Variants in MYRIP observed in about 807,000 individuals in gnomAD.
MYRIP encodes myosin VIIA and Rab interacting protein.
In MYRIP, 49 loss-of-function variants were observed where a neutral mutation model predicts 98.0. The ratio of observed to expected loss-of-function variants is 0.50; its 90% CI spans 0.40 to 0.63. MYRIP has a LOEUF of 0.63. Ranked by LOEUF, MYRIP falls within the 30% of genes least tolerant of loss-of-function variation. MYRIP has a pLI of 0.00. For synonymous variants in MYRIP, 404 were observed against 409.5 expected (o/e 0.99, Z 0.16); for missense variants, 1,004 against 1,058.2 (o/e 0.95, Z 0.71).
intron 1 of MYRIP, among the ~76,000 whole-genome samples, chr3:39,858,861 C>T (rs1288205939): frequency 1.3e-5 from 2 of 151,676 alleles, no homozygotes; most frequent in Admixed American, 1.3e-4. Context: ...ACACCATAAA[C>T]CAAAACTTAA....
chr3:40,126,045 T>C (rs1949520620), intron 3 of MYRIP, among the ~76,000 whole-genome samples: 1 of 152,214 alleles, frequency 6.6e-6, no homozygotes, highest in East Asian at 1.9e-4. Context: ...AGGATTCTTA[T>C]ATTCCAAACA....
At chr3:40,205,209 G>A (rs771043677) in intron 10 of MYRIP, among the ~76,000 whole-genome samples, 1 of 152,110 alleles carries the variant, frequency 6.6e-6, no homozygotes. Flanking sequence ...CTTCTCTCTG[G>A]ATTTCAATAG....
chr3:39,870,911 A>G (rs1279531243), intron 1 of MYRIP, among the ~76,000 whole-genome samples: 1 of 152,232 alleles, frequency 6.6e-6, no homozygotes, highest in African/African-American at 2.4e-5. Context: ...GTAGTTCAGT[A>G]TGGAATGAAT....
chr3:40,252,996 G>A (rs1403340458), intron 16 of MYRIP, among the ~76,000 whole-genome samples: 2 of 152,004 alleles, frequency 1.3e-5, no homozygotes, highest in African/African-American at 4.8e-5. Context: ...ACATCACATT[G>A]GACTAATCTA....
chr3:40,137,042 A>C (rs1259851436), intron 3 of MYRIP, among the ~76,000 whole-genome samples: 3 of 152,218 alleles, frequency 2.0e-5, no homozygotes, highest in African/African-American at 4.8e-5. Context: ...TCAGAGCAGA[A>C]CTGAAGGAAA....
chr3:40,154,199 T>C (rs891598230), intron 4 of MYRIP, among the ~76,000 whole-genome samples: 2 of 151,956 alleles, frequency 1.3e-5, no homozygotes, highest in African/African-American at 4.8e-5. Context: ...GTATCACCCA[T>C]CACATACACA....
chr3:40,000,295 C>T (rs1428347053), intron 2 of MYRIP, among the ~76,000 whole-genome samples: 3 of 152,026 alleles, frequency 2.0e-5, no homozygotes, highest in Admixed American at 2.0e-4. Context: ...GTCAAAATAT[C>T]ACGCACATGA....
At chr3:39,943,742 A>T (rs867454267) in intron 2 of MYRIP, among the ~76,000 whole-genome samples, 3 of 152,158 alleles carry the variant, frequency 2.0e-5, no homozygotes, top group African/African-American at 7.2e-5. Context: ...TATTAAATCA[A>T]TTCTCGTTAG....
At chr3:40,181,483 T>C (rs933550735) in intron 8 of MYRIP, among the ~76,000 whole-genome samples, 2 of 152,214 alleles carry the variant, frequency 1.3e-5, no homozygotes, top group Non-Finnish European at 2.9e-5. Context: ...ACTGTAATCA[T>C]AGATGCTTTC....
intron 2 of MYRIP, among the ~76,000 whole-genome samples, chr3:40,000,264 A>G (rs1946488542): frequency 6.6e-6 from 1 of 152,214 alleles, no homozygotes; most frequent in African/African-American, 2.4e-5. Flanking sequence ...ATATACCTTG[A>G]TTATGGCAAT....
At chr3:40,121,299 A>C (rs903819034) in intron 3 of MYRIP, among the ~76,000 whole-genome samples, 2 of 152,150 alleles carry the variant, frequency 1.3e-5, no homozygotes, top group African/African-American at 4.8e-5. Flanking sequence ...TTGGGTAATA[A>C]AGTTTCATTG....
At chr3:39,837,669 T>C (rs1941668818) in intron 1 of MYRIP, among the ~76,000 whole-genome samples, 1 of 152,234 alleles carries the variant, frequency 6.6e-6, no homozygotes, top group South Asian at 2.1e-4. Flanking sequence ...AGCTGTGTTC[T>C]TTTTGCTTAG....
At chr3:40,193,544 G>C (rs573243658) in intron 10 of MYRIP, among the ~76,000 whole-genome samples, 2 of 152,344 alleles carry the variant, frequency 1.3e-5, no homozygotes, top group African/African-American at 4.8e-5. Flanking sequence ...ATACCGCAGA[G>C]AGTATTGTAG....
At chr3:40,076,636 C>A (rs1200887976) in intron 3 of MYRIP, among the ~76,000 whole-genome samples, 1 of 152,114 alleles carries the variant, frequency 6.6e-6, no homozygotes, top group Non-Finnish European at 1.5e-5. Flanking sequence ...AGGGCCTGGC[C>A]CAAAACAGGC....
intron 2 of MYRIP, among the ~76,000 whole-genome samples, chr3:40,040,993 AGAAAAAAAAAAAGAAAATATTACCAGCAG>A (rs1947506028): frequency 5.3e-5 from 3 of 56,410 alleles, no homozygotes; most frequent in East Asian, 3.6e-4. Flanking sequence ...AAAAAAAAAA[AGAAAAAAAAAAAGAAAATATTACCAGCAG>A]AAAAAAAAAA....
At chr3:39,963,149 C>T (rs1945364868) in intron 2 of MYRIP, among the ~76,000 whole-genome samples, 1 of 152,068 alleles carries the variant, frequency 6.6e-6, no homozygotes, top group Admixed American at 6.6e-5. Context: ...TTCCGGGTGA[C>T]CCAGTACCAG....
chr3:40,062,803 G>A (rs1948046523), intron 3 of MYRIP, among the ~76,000 whole-genome samples: 1 of 152,150 alleles, frequency 6.6e-6, no homozygotes, highest in African/African-American at 2.4e-5. Flanking sequence ...TCACTTCACT[G>A]AGTTATTTGT....
At chr3:40,079,214 T>G (rs958371756) in intron 3 of MYRIP, among the ~76,000 whole-genome samples, 4 of 152,216 alleles carry the variant, frequency 2.6e-5, no homozygotes. Context: ...TCTTAGACAC[T>G]TGAGAGTAAA....
chr3:40,036,206 A>G lies in MYRIP; in HGVS notation c.111-7844A>G, dbSNP rs1947378866. The stretch of plus-strand genomic sequence containing the variant: ...AGTGAAACTGAAGAACACTACAGAA[A>G]ATTTAAAAATTCTTAAAACTAACCA... On this transcript the variant is annotated intron_variant, in intron 2 of 16. Coordinates refer to ENST00000302541, the MANE Select transcript of MYRIP (RefSeq NM_015460.4). 2.0e-5 allele frequency among the ~76,000 whole-genome samples: 3 copies of G among 150,574 alleles called. No homozygotes were observed. The Admixed American group carries it at 2.0e-4, about 10-fold the overall frequency.
Sources: allele counts gnomAD v4.1 joint callset (sites outside exome capture counted in the v4.1 genomes callset), GRCh38; gene constraint gnomAD v4.1.1; transcripts MANE v1.5; gene names NCBI Gene and HGNC (gene_info 2026-07-23, HGNC 2026-07-21).